Variants in PTPRD observed in about 807,000 individuals in gnomAD.
The protein encoded by PTPRD is protein tyrosine phosphatase receptor type D.
PTPRD carries 34 observed loss-of-function variants against 214.5 expected under a neutral mutation model. That is an observed-to-expected ratio of 0.16 (90% confidence interval 0.12 to 0.21). The LOEUF (loss-of-function observed/expected upper bound fraction) is 0.21, where lower values mean the gene tolerates loss of function less well. Among genes scored for constraint, PTPRD ranks in the 10% least tolerant of loss-of-function variants. PTPRD has a pLI of 1.00. For missense variants in PTPRD, 2,545 were observed against 2,398.7 expected, an observed-to-expected ratio of 1.06 and a Z score of -1.27; for synonymous variants, 1,128 against 845.7, an observed-to-expected ratio of 1.33 and a Z score of -5.79.
chr9:9,040,537 G>A (rs1379132965), intron 10 of PTPRD, among the ~76,000 whole-genome samples: 1 of 152,008 alleles, frequency 6.6e-6, no homozygotes, highest in African/African-American at 2.4e-5. Flanking sequence ...AGAGAAATTG[G>A]TGCCACCACA....
chr9:10,414,666 T>C (rs932368513), intron 2 of PTPRD, among the ~76,000 whole-genome samples: 1 of 151,890 alleles, frequency 6.6e-6, no homozygotes, highest in Non-Finnish European at 1.5e-5. Flanking sequence ...CTATTCACAA[T>C]AGCAAAGACA....
chr9:8,320,522 A>T lies in PTPRD; in HGVS notation c.5535-556T>A, dbSNP rs949526933. Among the ~76,000 whole-genome samples the T allele has an allele frequency of 7.2e-5, 11 of 152,108 alleles. 1 individual carries two copies. The highest frequency in any genetic ancestry group is 5.8e-4 in the East Asian group (3 of 5,164). On this transcript the variant is annotated intron_variant, in intron 44 of 45. Coordinates refer to ENST00000381196, the MANE Select transcript of PTPRD (RefSeq NM_002839.4). ...GATGGTATAACAGGGTATATACGTG[A>T]TTTTCACTTAGTCTTCAGGAGGGTT...
chr9:8,579,645 G>A (rs572413428), intron 14 of PTPRD, among the ~76,000 whole-genome samples: 2 of 152,306 alleles, frequency 1.3e-5, no homozygotes, highest in Admixed American at 6.5e-5. Context: ...TGGAATAAGA[G>A]ACATTTACAT....
Position 8,485,335 on chromosome 9 carries a change from A to T in PTPRD, c.3056-11T>A, listed in dbSNP as rs2096976030. On this transcript the variant is annotated splice_polypyrimidine_tract_variant and intron_variant, in intron 28 of 45. Transcript: ENST00000381196. The stretch of plus-strand genomic sequence containing the variant: ...AATTTTTTGCAAACACTGCTGGAAA[A>T]GGAAAAACAGTGTATTTAAACTATT... 18 of 1,591,110 alleles carry T rather than the reference A, an allele frequency of 1.1e-5. No homozygotes were observed. The highest frequency in any genetic ancestry group is 1.6e-5 in the Non-Finnish European group (18 of 1,159,358).
chr9:8,760,579 C>T (rs906401893), intron 11 of PTPRD, among the ~76,000 whole-genome samples: 4 of 150,454 alleles, frequency 2.7e-5, no homozygotes, highest in Non-Finnish European at 5.9e-5. Context: ...TTTCTCTCTC[C>T]CTTGCTCCCT....
intron 14 of PTPRD, among the ~76,000 whole-genome samples, chr9:8,558,064 T>C (rs2084689037): frequency 6.6e-6 from 1 of 152,154 alleles, no homozygotes; most frequent in Non-Finnish European, 1.5e-5. Context: ...CCTTTGATTC[T>C]TTTCCCGATA....
intron 3 of PTPRD, among the ~76,000 whole-genome samples, chr9:10,168,044 A>G (rs2099170307): frequency 6.6e-6 from 1 of 152,174 alleles, no homozygotes; most frequent in African/African-American, 2.4e-5. Context: ...AAAGGAGGCA[A>G]TTCACGTGTT....
chr9:10,405,498 T>C (rs1280994838), intron 2 of PTPRD, among the ~76,000 whole-genome samples: 1 of 144,958 alleles, frequency 6.9e-6, no homozygotes, highest in African/African-American at 2.5e-5. Flanking sequence ...GTACAACATA[T>C]ATAGAATATG....
At chr9:9,910,656 T>G (rs4742638) in intron 5 of PTPRD, among the ~76,000 whole-genome samples, 2 of 151,932 alleles carry the variant, frequency 1.3e-5, no homozygotes, top group Admixed American at 6.6e-5. Context: ...TGTTATTTAA[T>G]TTTGTCTTTT....
intron 5 of PTPRD, among the ~76,000 whole-genome samples, chr9:9,858,225 T>C (rs1182172489): frequency 1.3e-5 from 2 of 152,198 alleles, no homozygotes; most frequent in Non-Finnish European, 2.9e-5. Context: ...GGAAGCCCTA[T>C]AACTAAAAGA....
intron 4 of PTPRD, among the ~76,000 whole-genome samples, chr9:9,957,205 C>T (rs2154014600): frequency 6.6e-6 from 1 of 152,296 alleles, no homozygotes; most frequent in Non-Finnish European, 1.5e-5. Flanking sequence ...GAGCTACTAA[C>T]ATCCATGGGA....
chr9:8,733,758 A>G, intron 12 of PTPRD, 22 bp downstream of exon 12: 1 of 1,548,988 alleles, frequency 6.5e-7, no homozygotes, highest in Non-Finnish European at 8.7e-7. Context: ...ACAGCCCCCT[A>G]GAGAAGGGGA....
chr9:10,561,019 G>C (rs530126628), intron 2 of PTPRD, among the ~76,000 whole-genome samples: 1 of 152,156 alleles, frequency 6.6e-6, no homozygotes, highest in Non-Finnish European at 1.5e-5. Flanking sequence ...TGAGTATTTC[G>C]TAGTGAGCCT....
intron 13 of PTPRD, among the ~76,000 whole-genome samples, chr9:8,635,001 G>A (rs1298375298): frequency 6.7e-6 from 1 of 149,810 alleles, no homozygotes; most frequent in South Asian, 2.1e-4. Context: ...AACATGTACT[G>A]CTCTCAGGGA....
At position 9,807,947 on chromosome 9, in the gene PTPRD, G is replaced by A. The variant is rs144325544; in HGVS notation, c.-367-41096C>T. Among the ~76,000 whole-genome samples the A allele has an allele frequency of 7.4e-4, 112 of 152,270 alleles. 1 individual carries two copies. The highest frequency in any genetic ancestry group is 2.5e-3 in the African/African-American group (106 of 41,570). Reference sequence around the variant, plus strand: ...TATTGTATTTTCATATTGAAAGTCAGATTTGCTTCTACCTCAAAGAATGTT... The same window carrying A: ...TATTGTATTTTCATATTGAAAGTCAAATTTGCTTCTACCTCAAAGAATGTT... On this transcript the variant is annotated intron_variant, in intron 5 of 45. Transcript: ENST00000381196.
intron 9 of PTPRD, among the ~76,000 whole-genome samples, chr9:9,277,295 T>A (rs1040777125): frequency 6.6e-6 from 1 of 151,372 alleles, no homozygotes; most frequent in Non-Finnish European, 1.5e-5. Context: ...AAAATGCCAA[T>A]CTGTAAGAAT....
intron 4 of PTPRD, among the ~76,000 whole-genome samples, chr9:10,024,683 G>T (rs2096887045): frequency 6.6e-6 from 1 of 151,164 alleles, no homozygotes; most frequent in African/African-American, 2.4e-5. Flanking sequence ...ACAACGTGCA[G>T]GTTTGTTACA....
At chr9:8,532,793 T>C (rs1422749598) in intron 14 of PTPRD, among the ~76,000 whole-genome samples, 1 of 152,052 alleles carries the variant, frequency 6.6e-6, no homozygotes, top group East Asian at 1.9e-4. Flanking sequence ...GAGTCATACA[T>C]ATTTTGTTTG....
rs148647040 is a variant in PTPRD at position 9,336,148 on chromosome 9, G to A, written c.-203+61301C>T. ...ATGCAAAGATATAAGCTTTGTAACC[G>A]CCTCATAAGAGAAACAAAGATAGGC... On this transcript the variant is annotated intron_variant, in intron 9 of 45. Transcript: ENST00000381196. Among the ~76,000 whole-genome samples the A allele has an allele frequency of 5.7e-4, 86 of 149,622 alleles. 1 individual carries two copies. The highest frequency in any genetic ancestry group is 2.0e-3 in the African/African-American group (77 of 39,256).
Sources: allele counts gnomAD v4.1 joint callset (sites outside exome capture counted in the v4.1 genomes callset), GRCh38; gene constraint gnomAD v4.1.1; transcripts MANE v1.5; gene names NCBI Gene and HGNC (gene_info 2026-07-23, HGNC 2026-07-21).